The following SLAIN2 variants were observed in gnomAD, a reference collection of about 807,000 sequenced individuals.
SLAIN2 encodes SLAIN motif-containing protein 2.
In SLAIN2, 31 loss-of-function variants were observed where a neutral mutation model predicts 56.6. The observed-to-expected ratio is 0.55, with a 90% CI of 0.41 to 0.74. SLAIN2 has a LOEUF of 0.74. Ranked by LOEUF, SLAIN2 falls within the 30% of genes least tolerant of loss-of-function variation. The pLI, the probability that SLAIN2 is intolerant of heterozygous loss-of-function variation, is 0.00. For synonymous variants in SLAIN2, 317 were observed against 284.9 expected, an observed-to-expected ratio of 1.11 and a Z score of -1.13; for missense variants, 777 against 754.2, an observed-to-expected ratio of 1.03 and a Z score of -0.35.
Position 48,424,407 on chromosome 4 carries a change from A to G in SLAIN2, c.*2330A>G, listed in dbSNP as rs1299480410. 5 of 152,196 alleles carry G rather than the reference A, an allele frequency of 3.3e-5. No individual in the cohort carries two copies. The highest frequency in any genetic ancestry group is 5.9e-5 in the Non-Finnish European group (4 of 68,004). The allele number at this position is 152,196 out of a possible 1,614,324, so 9.4% of individuals were successfully genotyped here. On this transcript the variant is annotated 3_prime_UTR_variant, in exon 8 of 8. Coordinates refer to ENST00000264313, the MANE Select transcript of SLAIN2 (RefSeq NM_020846.2). ...TATGATTTTAACTTATGTTTGATAT[A>G]TAGTAGTAAGGGTTTTATGAATGTT...
chr4:48,394,123 T>A (rs969445473), intron 6 of SLAIN2, among the ~76,000 whole-genome samples: 8 of 152,218 alleles, frequency 5.3e-5, no homozygotes, highest in African/African-American at 1.9e-4. Context: ...TTTCTTCTCC[T>A]TTTTGAGTAT....
At position 48,354,651 on chromosome 4, in the gene SLAIN2, G is replaced by C. The variant is rs558099912; in HGVS notation, c.389+12523G>C. ...TCAGCTAATTTTTATATTTTTAGTA[G>C]CGATGGGTTTTCACCATGTTGTCCC... On this transcript the variant is annotated intron_variant, in intron 1 of 7. Transcript: ENST00000264313. Among the ~76,000 whole-genome samples the C allele has an allele frequency of 2.1e-4, 32 of 152,064 alleles. No individual in the cohort carries two copies. The South Asian group carries it at 5.6e-3, about 27-fold the overall frequency.
At chr4:48,357,151 C>A (rs1476830210) in intron 1 of SLAIN2, among the ~76,000 whole-genome samples, 1 of 151,170 alleles carries the variant, frequency 6.6e-6, no homozygotes, top group African/African-American at 2.4e-5. Flanking sequence ...TATTATATAT[C>A]TTTTAGTTAG....
At chr4:48,355,027 G>A (rs114729522) in intron 1 of SLAIN2, among the ~76,000 whole-genome samples, 2,327 of 152,096 alleles carry the variant, frequency 0.015, 42 homozygotes, top group African/African-American at 0.052. Context: ...GATTACAGGC[G>A]ACTGCCACCA....
rs116473916 is a variant in SLAIN2, at chr4:48,402,583, A to C, written c.1361-17542A>C. Among the ~76,000 whole-genome samples, 1,351 of 152,028 alleles carry C rather than the reference A, an allele frequency of 8.9e-3. 12 individuals are homozygous for C. The highest frequency in any genetic ancestry group is 0.013 in the Non-Finnish European group (907 of 67,972). On this transcript the variant is annotated intron_variant, in intron 6 of 7. Transcript: ENST00000264313. ...CTTGTTATTGCATTGTGAAGTTTTC[A>C]TGTTGTGTTTTTCAGCTCCATCAGG...
At chr4:48,374,717 G>A (rs1218049193) in intron 2 of SLAIN2, among the ~76,000 whole-genome samples, 2 of 152,186 alleles carry the variant, frequency 1.3e-5, no homozygotes, top group Admixed American at 1.3e-4. Context: ...CCTTTGAAGA[G>A]GGTTGATAAT....
In SLAIN2 at chr4:48,420,450, G is replaced by A. The variant is rs1434293945; in HGVS notation, c.1679+7G>A. ...TTGCACAGCCTGTTCGCAGGTAAGT[G>A]GCAGATGTTCTGTTTCAGCATTCTT... On this transcript the variant is annotated splice_region_variant and intron_variant, in intron 7 of 7. Transcript: ENST00000264313. The A allele has an allele frequency of 1.2e-6, 2 of 1,612,688 alleles. No homozygotes were observed. Among genetic ancestry groups the A allele is most frequent in the South Asian group, 2.2e-5 (2 of 91,046 alleles).
chr4:48,356,620 T>C (rs1488808442), intron 1 of SLAIN2, among the ~76,000 whole-genome samples: 1 of 152,214 alleles, frequency 6.6e-6, no homozygotes, highest in Non-Finnish European at 1.5e-5. Context: ...CAGTTTCTGA[T>C]TGATGCAGTC....
rs1714709484 is a variant in SLAIN2, at chr4:48,341,847, G to A, written c.108G>A (p.Gly36=). 2 of 1,523,556 alleles carry A rather than the reference G, an allele frequency of 1.3e-6. No homozygotes were observed. Among genetic ancestry groups the A allele is most frequent in the South Asian group, 1.2e-5 (1 of 81,766 alleles). 94.4% of individuals were successfully genotyped at this position (1,523,556 alleles called of 1,614,324 possible). A position where few individuals can be genotyped will look rare whatever the true frequency, so the allele number is the denominator to read the frequency against. The change falls in exon 1 of 8, where the codon GGG becomes GGA. Residue 36 remains glycine (G), a synonymous_variant. Transcript: ENST00000264313. ...KQNEQLRSRS[G]AVQGAGSLGP... is the part of the protein sequence containing the mutation. ...ACGAACAGCTGAGGAGCCGCTCGGG[G>A]GCCGTGCAGGGCGCCGGCTCCCTTG... is the stretch of plus-strand genomic sequence containing the variant.
chr4:48,382,852 A>G lies in SLAIN2; in HGVS notation c.1147A>G (p.Ser383Gly). The part of the protein sequence containing the change: ...YSRVSPQPMI[S>G]RLQQPRLSLQ... ...TAGAGTGTCCCCACAGCCTATGATT[A>G]GCCGCTTACAGCAACCTCGCCTTTC... The change falls in exon 5 of 8, where the codon AGC (serine) becomes GGC (glycine). Residue 383 changes from serine to glycine, a missense_variant. Transcript: ENST00000264313. The G allele has an allele frequency of 6.2e-7, 1 of 1,613,832 alleles. No individual in the cohort carries two copies.
intron 6 of SLAIN2, among the ~76,000 whole-genome samples, chr4:48,390,455 A>C (rs1716210280): frequency 6.6e-6 from 1 of 152,200 alleles, no homozygotes; most frequent in African/African-American, 2.4e-5. Context: ...GGCTGTGCTT[A>C]CTTAGTATTT....
intron 2 of SLAIN2, among the ~76,000 whole-genome samples, chr4:48,377,336 ATTTTTTTTTT>A (rs34493417): frequency 8.5e-6 from 1 of 117,502 alleles, no homozygotes; most frequent in Non-Finnish European, 1.7e-5. Context: ...TGCCTGGCTA[ATTTTTTTTTT>A]TTTTTTTTTT....
rs758965875 is a variant in SLAIN2, at chr4:48,382,909, A to G, written c.1204A>G (p.Ser402Gly). 6.2e-7 allele frequency: 1 copy of G among 1,607,582 alleles called. No homozygotes were observed. Among genetic ancestry groups the G allele is most frequent in the South Asian group, 1.1e-5 (1 of 90,594 alleles). ...AGGCCATCCCACAGATTTACAGACAAGCAATGTTAAAAATGAAGGTAAAAT... is the reference window on the plus strand; with the variant it reads ...AGGCCATCCCACAGATTTACAGACAGGCAATGTTAAAAATGAAGGTAAAAT... ...LQGHPTDLQT[S>G]NVKNEEKLRR... The change falls in exon 5 of 8, where the codon AGC becomes GGC. Residue 402 changes from serine to glycine, a missense_variant. Transcript: ENST00000264313.
chr4:48,381,275 T>C (rs1453193625), intron 4 of SLAIN2, among the ~76,000 whole-genome samples: 2 of 152,154 alleles, frequency 1.3e-5, no homozygotes, highest in Non-Finnish European at 2.9e-5. Flanking sequence ...TTCTAAGCCA[T>C]CCACATGCAT....
At chr4:48,392,446 C>A (rs371199730) in intron 6 of SLAIN2, among the ~76,000 whole-genome samples, 56 of 152,210 alleles carry the variant, frequency 3.7e-4, no homozygotes, top group African/African-American at 1.2e-3. Context: ...AATATTGAAT[C>A]CTTATTAAAC....
At chr4:48,391,595 T>C (rs1380298901) in intron 6 of SLAIN2, among the ~76,000 whole-genome samples, 1 of 152,196 alleles carries the variant, frequency 6.6e-6, no homozygotes, top group Non-Finnish European at 1.5e-5. Flanking sequence ...TGCCTACTCT[T>C]GGGGAGGTGA....
At chr4:48,354,654 A>G (rs1721919979) in intron 1 of SLAIN2, among the ~76,000 whole-genome samples, 1 of 151,992 alleles carries the variant, frequency 6.6e-6, no homozygotes, top group Non-Finnish European at 1.5e-5. Flanking sequence ...TTTAGTAGCG[A>G]TGGGTTTTCA....
At chr4:48,342,651 C>G (rs925938014) in intron 1 of SLAIN2, among the ~76,000 whole-genome samples, 2 of 148,170 alleles carry the variant, frequency 1.3e-5, no homozygotes. Flanking sequence ...AATCAGCACT[C>G]CCCTTTGGGT....
Position 48,341,695 on chromosome 4 carries a change from C to T in SLAIN2, c.-45C>T, listed in dbSNP as rs1405599803. The T allele has an allele frequency of 6.6e-7, 1 of 1,517,684 alleles. No individual in the cohort carries two copies. The highest frequency in any genetic ancestry group is 2.1e-5 in the Admixed American group (1 of 47,884). 94.0% of individuals were successfully genotyped at this position (1,517,684 alleles called of 1,614,324 possible). A position where few individuals can be genotyped will look rare whatever the true frequency, so the allele number is the denominator to read the frequency against. On this transcript the variant is annotated 5_prime_UTR_variant, in exon 1 of 8. Coordinates refer to ENST00000264313, the MANE Select transcript of SLAIN2 (RefSeq NM_020846.2). The stretch of plus-strand genomic sequence containing the variant: ...TCCTCCGTCTCTTTCCCTGTCGCTG[C>T]GAGAGCGAGCGGGCGGCGGAGGCGG...
Sources: allele counts gnomAD v4.1 joint callset (sites outside exome capture counted in the v4.1 genomes callset), GRCh38; gene constraint gnomAD v4.1.1; transcripts MANE v1.5; gene names NCBI Gene and HGNC (gene_info 2026-07-23, HGNC 2026-07-21).